CRADD: variants seen among roughly 807,000 people sequenced by gnomAD.
CRADD encodes the protein CARD and death domain containing adaptor protein, also known as death domain-containing protein CRADD.
In CRADD, 9 loss-of-function variants were observed where a neutral mutation model predicts 15.5. The observed-to-expected ratio is 0.58, with a 90% CI of 0.35 to 1.01. The LOEUF is 1.01. CRADD is among the 50% of genes least tolerant of loss of function. The pLI is 0.02. For synonymous variants in CRADD, 118 were observed against 107.6 expected, an observed-to-expected ratio of 1.10 and a Z score of -0.60; for missense variants, 227 against 250.3, an observed-to-expected ratio of 0.91 and a Z score of 0.63.
intron 2 of CRADD, among the ~76,000 whole-genome samples, chr12:93,742,222 G>C (rs1369152633): frequency 6.6e-6 from 1 of 152,202 alleles, no homozygotes; most frequent in African/African-American, 2.4e-5. Context: ...AGCCGTCAAG[G>C]AGAAGGCTTT....
chr12:93,769,481 C>T (rs760418901), intron 2 of CRADD, among the ~76,000 whole-genome samples: 3 of 152,080 alleles, frequency 2.0e-5, no homozygotes, highest in African/African-American at 4.8e-5. Flanking sequence ...TTTTGGCATA[C>T]GTGTGCAGTT....
rs543885567 is a variant in CRADD at position 93,738,674 on chromosome 12, T to G, written c.298+59602T>G. The G allele has an allele frequency of 9.8e-4, 494 of 505,186 alleles. 4 individuals are homozygous for G. The South Asian group carries it at 0.011, about 12-fold the overall frequency. The allele number at this position is 505,186 out of a possible 1,614,324, so 31.3% of individuals were successfully genotyped here. ...CTTTTTTGTGCGTAAAGTGTCAACC[T>G]CCTGTTTTATTCTCATAAATAATGG... On this transcript the variant is annotated intron_variant, in intron 2 of 2. Coordinates refer to ENST00000332896, the MANE Select transcript of CRADD (RefSeq NM_003805.5).
intron 2 of CRADD, among the ~76,000 whole-genome samples, chr12:93,813,132 G>A (rs572435050): frequency 1.3e-5 from 2 of 152,306 alleles, no homozygotes; most frequent in South Asian, 4.1e-4. Context: ...TAGAGCAGAA[G>A]GGATTGTATA....
intron 2 of CRADD, among the ~76,000 whole-genome samples, chr12:93,725,198 A>G (rs934062142): frequency 1.3e-5 from 2 of 152,112 alleles, no homozygotes; most frequent in Non-Finnish European, 2.9e-5. Context: ...CCTGTTAATT[A>G]TCTTTCACTC....
intron 2 of CRADD, among the ~76,000 whole-genome samples, chr12:93,804,680 T>G (rs1237304830): frequency 1.3e-5 from 2 of 152,142 alleles, no homozygotes; most frequent in African/African-American, 4.8e-5. Flanking sequence ...TGTGGCTGTT[T>G]CATCTCTCCA....
At chr12:93,758,233 T>C (rs904487910) in intron 2 of CRADD, among the ~76,000 whole-genome samples, 2 of 152,192 alleles carry the variant, frequency 1.3e-5, no homozygotes, top group Non-Finnish European at 2.9e-5. Flanking sequence ...GTTTTGAGAT[T>C]AGAGTTTAGA....
At chr12:93,727,587 G>C (rs1456023859) in intron 2 of CRADD, among the ~76,000 whole-genome samples, 2 of 152,196 alleles carry the variant, frequency 1.3e-5, no homozygotes, top group African/African-American at 2.4e-5. Context: ...AGCCAGGCCA[G>C]TTAGCAACTG....
intron 2 of CRADD, among the ~76,000 whole-genome samples, chr12:93,766,442 A>C (rs1224654701): frequency 6.6e-6 from 1 of 152,220 alleles, no homozygotes; most frequent in African/African-American, 2.4e-5. Context: ...AACAAAAGCT[A>C]ATAGACTTCC....
intron 2 of CRADD, among the ~76,000 whole-genome samples, chr12:93,742,478 G>T (rs1230100219): frequency 6.8e-6 from 1 of 146,046 alleles, no homozygotes; most frequent in Non-Finnish European, 1.5e-5. Context: ...CCAGCCCAGC[G>T]CGGGGAGGCG....
intron 2 of CRADD, among the ~76,000 whole-genome samples, chr12:93,827,060 G>A (rs1451082648): frequency 2.6e-5 from 4 of 152,078 alleles, no homozygotes; most frequent in African/African-American, 7.2e-5. Context: ...AAAACCCCCA[G>A]CTTTATTGAG....
intron 2 of CRADD, among the ~76,000 whole-genome samples, chr12:93,859,731 C>CT (rs397850383): frequency 2.7e-5 from 4 of 150,412 alleles, no homozygotes; most frequent in East Asian, 3.9e-4. Flanking sequence ...TTGTCTCTCT[C>CT]TTTTTTTTTA....
intron 2 of CRADD, among the ~76,000 whole-genome samples, chr12:93,800,585 T>G (rs1237845995): frequency 2.0e-5 from 3 of 151,432 alleles, no homozygotes; most frequent in South Asian, 2.1e-4. Context: ...ACTCCTGCTC[T>G]CTCTCTCTCT....
rs1282877301 is a variant in CRADD at position 93,863,597 on chromosome 12, TGTG to T, written c.299-30452_299-30450del. 0.02 allele frequency among the ~76,000 whole-genome samples: 173 copies of T among 8,836 alleles called. 2 individuals carry two copies. The East Asian group carries it at 0.24, about 12-fold the overall frequency. 5.8% of individuals were successfully genotyped at this position (8,836 alleles called of 152,430 possible). The stretch of plus-strand genomic sequence containing the variant: ...GCCTTTGAAAATGTGTGGAGGCATT[TGTG>T]TGTGTGTGTGTGTGTGTGTGTGTGT... On this transcript the variant is annotated intron_variant, in intron 2 of 2. Coordinates refer to the CRADD transcript ENST00000548483.
intron 2 of CRADD, among the ~76,000 whole-genome samples, chr12:93,875,802 T>C (rs1958454609): frequency 6.6e-6 from 1 of 152,176 alleles, no homozygotes; most frequent in African/African-American, 2.4e-5. Flanking sequence ...TATTTTCTAT[T>C]GGTTCATCAT....
chr12:93,823,182 C>T (rs972511160), intron 2 of CRADD, among the ~76,000 whole-genome samples: 52 of 151,904 alleles, frequency 3.4e-4, no homozygotes, highest in Non-Finnish European at 1.2e-4. Flanking sequence ...ATCCTAGCTA[C>T]TCAGGAGGCT....
chr12:93,883,957 G>A (rs1958519407), intron 2 of CRADD, among the ~76,000 whole-genome samples: 1 of 152,216 alleles, frequency 6.6e-6, no homozygotes, highest in Admixed American at 6.5e-5. Context: ...CTCAGGATGT[G>A]GCAAGAGGGT....
chr12:93,813,114 A>G (rs1347289922), intron 2 of CRADD, among the ~76,000 whole-genome samples: 1 of 152,248 alleles, frequency 6.6e-6, no homozygotes, highest in Non-Finnish European at 1.5e-5. Context: ...AACTTTGCCA[A>G]TAGCTGATAG....
intron 2 of CRADD, among the ~76,000 whole-genome samples, chr12:93,698,481 CG>C (rs1955765781): frequency 6.6e-6 from 1 of 152,106 alleles, no homozygotes; most frequent in Non-Finnish European, 1.5e-5. Flanking sequence ...GAGATAGCAC[CG>C]GACTTAAAAG....
chr12:93,734,898 G>GGGGA (rs2136918519), intron 2 of CRADD, among the ~76,000 whole-genome samples: 1 of 152,158 alleles, frequency 6.6e-6, no homozygotes, highest in East Asian at 1.9e-4. Flanking sequence ...CCACTTCCTA[G>GGGGA]GGGAGGCCTT....
Sources: gnomAD v4.1 joint callset for allele counts (sites outside exome capture counted in the v4.1 genomes callset) on GRCh38, gnomAD v4.1.1 for gene constraint, MANE v1.5 for transcripts, NCBI Gene and HGNC (gene_info 2026-07-23, HGNC 2026-07-21) for gene names.